The following SLC25A13 variants were observed in gnomAD, a reference collection of about 807,000 sequenced individuals.
SLC25A13 encodes the protein electrogenic aspartate/glutamate antiporter SLC25A13, mitochondrial.
A neutral mutation model predicts 85.5 loss-of-function variants in SLC25A13; 70 were observed. The observed-to-expected ratio is 0.82, with a 90% CI of 0.68 to 1.00. The LOEUF is 1.00. Among genes scored for constraint, SLC25A13 ranks in the 50% least tolerant of loss-of-function variants. SLC25A13 has a pLI of 0.00. For missense variants in SLC25A13, 765 were observed against 819.8 expected (o/e 0.93, Z 0.82); for synonymous variants, 259 against 288.7 (o/e 0.90, Z 1.04).
chr7:96,251,618 C>T (rs1797430879), intron 3 of SLC25A13, among the ~76,000 whole-genome samples: 1 of 152,204 alleles, frequency 6.6e-6, no homozygotes, highest in South Asian at 2.1e-4. Flanking sequence ...TTCTACAGAA[C>T]TGGCCAACTG....
chr7:96,184,384 T>C lies in SLC25A13; in HGVS notation c.1070A>G (p.Gln357Arg). 6.2e-7 allele frequency: 1 copy of C among 1,614,204 alleles called. No homozygotes were observed. Among genetic ancestry groups the C allele is most frequent in the East Asian group, 2.2e-5 (1 of 44,870 alleles). The change falls in exon 11 of 18, where the codon CAG becomes CGG. Residue 357 changes from glutamine (Q) to arginine (R), a missense_variant. Coordinates refer to ENST00000265631, the MANE Select transcript of SLC25A13 (RefSeq NM_014251.3). ...YPIDLVKTRM[Q>R]NQRSTGSFVG... ...AAAAGAGCCAGTTGATCGTTGGTTC[T>C]GCATTCGAGTTTTTACAAGATCGAT...
At chr7:96,157,823 CA>C (rs1562802200) in intron 13 of SLC25A13, among the ~76,000 whole-genome samples, 7 of 151,954 alleles carry the variant, frequency 4.6e-5, no homozygotes, top group African/African-American at 1.7e-4. Flanking sequence ...AACAAACAAA[CA>C]AACAAACAGA....
chr7:96,140,149 G>A (rs1254472074), intron 14 of SLC25A13, among the ~76,000 whole-genome samples: 34 of 149,708 alleles, frequency 2.3e-4, no homozygotes, highest in Admixed American at 2.2e-3. Context: ...TAGTAGAGAC[G>A]GGGTTTCACC....
At chr7:96,194,143 A>C (rs1198961386) in intron 5 of SLC25A13, among the ~76,000 whole-genome samples, 1 of 152,124 alleles carries the variant, frequency 6.6e-6, no homozygotes, top group Non-Finnish European at 1.5e-5. Context: ...TGCAATTAAA[A>C]AGTAACACCA....
chr7:96,282,984 T>C (rs1199231089), intron 2 of SLC25A13, among the ~76,000 whole-genome samples: 1 of 152,208 alleles, frequency 6.6e-6, no homozygotes, highest in Non-Finnish European at 1.5e-5. Context: ...TGATATAATG[T>C]AGGAAATGAA....
In SLC25A13 at chr7:96,193,147, G is replaced by A. The variant is rs779220022; in HGVS notation, c.505C>T (p.Gln169Ter). 1.2e-6 allele frequency: 2 copies of A among 1,614,114 alleles called. No individual in the cohort carries two copies. The highest frequency in any genetic ancestry group is 1.7e-6 in the Non-Finnish European group (2 of 1,180,000). Residue 169 changes from glutamine to a stop codon, truncating the protein, a stop_gained, in exon 6 of 18, where the codon CAA becomes TAA. Coordinates refer to ENST00000265631, the MANE Select transcript of SLC25A13 (RefSeq NM_014251.3). LOFTEE classifies it high-confidence loss of function. ...QLEHAKQAFV[Q>*]RDNARTGRVT... ...CTCCCAGTCCTAGCATTGTCCCGTT[G>A]CACAAAGGCTTGCTTTGCGTGCTCC... is the stretch of plus-strand genomic sequence containing the variant.
At position 96,134,814 on chromosome 7, in the gene SLC25A13, A is replaced by ATATATATATATATATATATATATATAT. The variant is rs1554337570; in HGVS notation, c.1453-2934_1453-2933insATATATATATATATATATATATATATA. 1.0e-3 allele frequency among the ~76,000 whole-genome samples: 65 copies of ATATATATATATATATATATATATATAT among 64,454 alleles called. 1 individual carries two copies. The highest frequency in any genetic ancestry group is 4.8e-3 in the African/African-American group (62 of 12,870). 42.3% of individuals were successfully genotyped at this position (64,454 alleles called of 152,430 possible). ...AATTTTATATATATATATATATATA[A>ATATATATATATATATATATATATATAT]CCCTGAGGAAAGGGTAGAATTGCAA... is the stretch of plus-strand genomic sequence containing the variant. On this transcript the variant is annotated intron_variant, in intron 14 of 17. Transcript: ENST00000265631.
At chr7:96,250,401 C>T (rs1291456822) in intron 3 of SLC25A13, among the ~76,000 whole-genome samples, 1 of 152,108 alleles carries the variant, frequency 6.6e-6, no homozygotes, top group Non-Finnish European at 1.5e-5. Context: ...AAAAGAGCAG[C>T]GACATGGCTG....
chr7:96,303,863 G>C (rs1799642682), intron 1 of SLC25A13, among the ~76,000 whole-genome samples: 1 of 151,992 alleles, frequency 6.6e-6, no homozygotes, highest in Non-Finnish European at 1.5e-5. Flanking sequence ...ATTCTTTAGA[G>C]CTCAACCTCA....
At chr7:96,187,882 C>T (rs1435369225) in intron 9 of SLC25A13, among the ~76,000 whole-genome samples, 1 of 152,148 alleles carries the variant, frequency 6.6e-6, no homozygotes, top group Non-Finnish European at 1.5e-5. Context: ...AAGCCTATTC[C>T]AGGTAAGGCC....
intron 1 of SLC25A13, among the ~76,000 whole-genome samples, chr7:96,304,647 T>A (rs1022007165): frequency 1.3e-5 from 2 of 152,228 alleles, no homozygotes; most frequent in Non-Finnish European, 2.9e-5. Flanking sequence ...CAAGAAACTG[T>A]CTCCAGAGGT....
chr7:96,233,007 GT>G (rs1004636444), intron 4 of SLC25A13, among the ~76,000 whole-genome samples: 2 of 152,150 alleles, frequency 1.3e-5, no homozygotes, highest in Non-Finnish European at 2.9e-5. Context: ...AGTCTCCTAC[GT>G]CTTTCTAGGA....
chr7:96,265,090 T>G (rs543667036), intron 3 of SLC25A13, among the ~76,000 whole-genome samples: 69 of 152,278 alleles, frequency 4.5e-4, no homozygotes, highest in African/African-American at 1.7e-3. Flanking sequence ...CAACACCAAA[T>G]CCCAACAAGT....
chr7:96,260,348 T>C (rs1432418061), intron 3 of SLC25A13, among the ~76,000 whole-genome samples: 1 of 151,804 alleles, frequency 6.6e-6, no homozygotes, highest in African/African-American at 2.4e-5. Flanking sequence ...AAAGAGATAA[T>C]ATAAAAGGGT....
At chr7:96,265,477 G>A (rs1453372963) in intron 3 of SLC25A13, among the ~76,000 whole-genome samples, 1 of 152,138 alleles carries the variant, frequency 6.6e-6, no homozygotes, top group Non-Finnish European at 1.5e-5. Context: ...AGCTCAACTA[G>A]CAATTCAAAA....
chr7:96,250,752 A>AAAAAAAAAAG (rs1797390822), intron 3 of SLC25A13, among the ~76,000 whole-genome samples: 1 of 151,324 alleles, frequency 6.6e-6, no homozygotes, highest in East Asian at 1.9e-4. Context: ...AAAAAAAAAA[A>AAAAAAAAAAG]GAGGCTCCAT....
chr7:96,257,080 A>C (rs1797666067), intron 3 of SLC25A13, among the ~76,000 whole-genome samples: 1 of 152,246 alleles, frequency 6.6e-6, no homozygotes, highest in African/African-American at 2.4e-5. Context: ...TTAGAGGGAA[A>C]TTTATAGCAC....
At chr7:96,226,484 C>A (rs928595547) in intron 4 of SLC25A13, among the ~76,000 whole-genome samples, 3 of 152,032 alleles carry the variant, frequency 2.0e-5, no homozygotes, top group Non-Finnish European at 4.4e-5. Context: ...TCTTTGAGAT[C>A]CTGATTTTTG....
At chr7:96,283,482 TA>T in intron 2 of SLC25A13, 1 of 431,346 alleles carries the variant, frequency 2.3e-6, no homozygotes, top group Non-Finnish European at 4.6e-6. Context: ...TTGTAGACAT[TA>T]AGGGAATGAG....
Sources: gnomAD v4.1 joint callset for allele counts (sites outside exome capture counted in the v4.1 genomes callset) on GRCh38, gnomAD v4.1.1 for gene constraint, MANE v1.5 for transcripts, NCBI Gene and HGNC (gene_info 2026-07-23, HGNC 2026-07-21) for gene names.